Variants in KIAA0319L observed in about 807,000 individuals in gnomAD.
KIAA0319L encodes the protein dyslexia-associated protein KIAA0319-like protein.
Under a neutral mutation model 120.1 loss-of-function variants are expected in KIAA0319L, and 55 were observed. The observed-to-expected ratio is 0.46, with a 90% confidence interval of 0.37 to 0.57. The LOEUF is 0.57. Among genes scored for constraint, KIAA0319L ranks in the 20% least tolerant of loss-of-function variants. KIAA0319L has a pLI of 0.00. For missense variants in KIAA0319L, 1,049 were observed against 1,255.3 expected (o/e 0.84, Z 2.48); for synonymous variants, 398 against 471.9 (o/e 0.84, Z 2.03).
intron 10 of KIAA0319L, 106 bp from the exon 11 acceptor site, chr1:35,454,591 G>T: frequency 6.6e-7 from 1 of 1,519,816 alleles, no homozygotes; most frequent in Non-Finnish European, 8.8e-7. Flanking sequence ...AAAGACCTAA[G>T]ATGGTACTGG....
intron 3 of KIAA0319L, among the ~76,000 whole-genome samples, chr1:35,484,417 T>C (rs981750809): frequency 6.6e-6 from 1 of 152,058 alleles, no homozygotes. Context: ...CTAAAATAAA[T>C]AAATAATAAA....
At chr1:35,530,436 T>A (rs1646320065) in intron 2 of KIAA0319L, among the ~76,000 whole-genome samples, 1 of 152,172 alleles carries the variant, frequency 6.6e-6, no homozygotes, top group Non-Finnish European at 1.5e-5. Flanking sequence ...TTTTGTTTGG[T>A]TCTTTTTTAT....
intron 2 of KIAA0319L, among the ~76,000 whole-genome samples, chr1:35,519,311 TA>T (rs540753799): frequency 3.3e-5 from 5 of 151,772 alleles, no homozygotes; most frequent in African/African-American, 7.3e-5. Context: ...TATATTTGTT[TA>T]AAAAAAATAA....
intron 8 of KIAA0319L, among the ~76,000 whole-genome samples, chr1:35,461,032 T>C (rs1642854959): frequency 6.6e-6 from 1 of 152,176 alleles, no homozygotes; most frequent in African/African-American, 2.4e-5. Flanking sequence ...AGCAAAAGAA[T>C]GAAAGTAATC....
chr1:35,551,183 A>G (rs1647184408), intron 2 of KIAA0319L, among the ~76,000 whole-genome samples: 1 of 152,180 alleles, frequency 6.6e-6, no homozygotes. Flanking sequence ...GTTTTACTTT[A>G]ATTTTCATCA....
intron 6 of KIAA0319L, among the ~76,000 whole-genome samples, chr1:35,468,075 G>A (rs1051869487): frequency 2.6e-5 from 4 of 151,956 alleles, no homozygotes; most frequent in African/African-American, 9.7e-5. Flanking sequence ...CTAATTGTTC[G>A]ATACTTGGGT....
At chr1:35,496,291 G>C (rs977364161) in intron 3 of KIAA0319L, among the ~76,000 whole-genome samples, 3 of 151,880 alleles carry the variant, frequency 2.0e-5, no homozygotes, top group African/African-American at 7.3e-5. Flanking sequence ...ATGGTGGCAG[G>C]TGCCTGTAAT....
chr1:35,518,011 CAAT>C (rs915039089), intron 2 of KIAA0319L, among the ~76,000 whole-genome samples: 75 of 152,246 alleles, frequency 4.9e-4, no homozygotes, highest in African/African-American at 1.7e-3. Context: ...ATCAAAACCA[CAAT>C]GAGATACTAT....
chr1:35,555,697 C>G (rs1185401664), intron 1 of KIAA0319L, among the ~76,000 whole-genome samples: 1 of 152,178 alleles, frequency 6.6e-6, no homozygotes, highest in African/African-American at 2.4e-5. Context: ...CAAGAGGGAA[C>G]GAGTGAGTAT....
chr1:35,456,271 G>A (rs1642447623), intron 9 of KIAA0319L, 30 bp from the exon 10 acceptor site: 2 of 1,408,956 alleles, frequency 1.4e-6, no homozygotes, highest in Middle Eastern at 1.9e-4. Context: ...AGTGTGATCA[G>A]GGACGGGTTT....
At chr1:35,457,099 T>C (rs1284216715) in intron 9 of KIAA0319L, among the ~76,000 whole-genome samples, 1 of 152,148 alleles carries the variant, frequency 6.6e-6, no homozygotes, top group African/African-American at 2.4e-5. Flanking sequence ...AATTGTCTGA[T>C]ATGGCCCTCA....
At chr1:35,482,555 G>A (rs1019312938) in intron 3 of KIAA0319L, among the ~76,000 whole-genome samples, 2 of 150,800 alleles carry the variant, frequency 1.3e-5, no homozygotes, top group Non-Finnish European at 3.0e-5. Flanking sequence ...TCAGCCTCCC[G>A]AGTAGCTGGG....
intron 3 of KIAA0319L, among the ~76,000 whole-genome samples, chr1:35,485,182 C>G (rs1644341557): frequency 6.6e-6 from 1 of 152,000 alleles, no homozygotes; most frequent in African/African-American, 2.4e-5. Context: ...ACTGGAGTAG[C>G]TATCGATTGT....
chr1:35,518,398 T>C (rs1038607442), intron 2 of KIAA0319L, among the ~76,000 whole-genome samples: 9 of 152,106 alleles, frequency 5.9e-5, no homozygotes, highest in African/African-American at 2.2e-4. Context: ...AAAAAAGAGA[T>C]CATGTCTTTT....
At chr1:35,555,724 G>A (rs1212098508) in intron 1 of KIAA0319L, among the ~76,000 whole-genome samples, 1 of 152,186 alleles carries the variant, frequency 6.6e-6, no homozygotes, top group African/African-American at 2.4e-5. Context: ...GTGCATGTAT[G>A]GGTGTGTATG....
chr1:35,554,379 A>G lies in KIAA0319L; in HGVS notation c.113T>C (p.Phe38Ser), dbSNP rs1183713786. ...LRSLYLFYTC[F>S]CFSVLWLSTD... ...TGACAACCACAGAACGCTGAAGCAA[A>G]AGCAAGTATAAAACAGGTACAGGCT... is the stretch of plus-strand genomic sequence containing the variant. The change falls in exon 2 of 21, where the codon TTT becomes TCT. Residue 38 changes from phenylalanine (F) to serine (S), a missense_variant. Phe to Ser is a radical substitution (Grantham distance 155). Transcript: ENST00000325722. 1 of 1,606,606 alleles carries G rather than the reference A, an allele frequency of 6.2e-7. No individual in the cohort carries two copies. Among genetic ancestry groups the G allele is most frequent in the Non-Finnish European group, 8.5e-7 (1 of 1,177,716 alleles).
At chr1:35,523,624 C>T (rs916475091) in intron 2 of KIAA0319L, among the ~76,000 whole-genome samples, 5 of 151,876 alleles carry the variant, frequency 3.3e-5, no homozygotes, top group Non-Finnish European at 5.9e-5. Flanking sequence ...ACGGGTAGAA[C>T]GTGGTATAAA....
intron 20 of KIAA0319L, chr1:35,439,479 C>T (rs1641042420): frequency 6.6e-6 from 1 of 152,212 alleles, no homozygotes; most frequent in African/African-American, 2.4e-5. Flanking sequence ...CGCTCCATAT[C>T]CACAGATGAA....
At chr1:35,497,533 T>C (rs951307719) in intron 3 of KIAA0319L, among the ~76,000 whole-genome samples, 5 of 152,188 alleles carry the variant, frequency 3.3e-5, no homozygotes, top group Admixed American at 6.6e-5. Context: ...TATCTTTTTA[T>C]GGTGATGGTT....
Sources: allele counts gnomAD v4.1 joint callset (sites outside exome capture counted in the v4.1 genomes callset), GRCh38; gene constraint gnomAD v4.1.1; transcripts MANE v1.5; gene names NCBI Gene and HGNC (gene_info 2026-07-23, HGNC 2026-07-21).